CABLES1: variants seen among roughly 807,000 people sequenced by gnomAD.
The protein encoded by CABLES1 is Cdk5 and Abl enzyme substrate 1, also known as CDK5 and ABL1 enzyme substrate 1.
Under a neutral mutation model 57.8 loss-of-function variants are expected in CABLES1, and 36 were observed. The ratio of observed to expected loss-of-function variants is 0.62; its 90% CI spans 0.48 to 0.82. CABLES1 has a LOEUF of 0.82. Among genes scored for constraint, CABLES1 ranks in the 40% least tolerant of loss-of-function variants. The pLI, the probability that CABLES1 is intolerant of heterozygous loss-of-function variation, is 0.00. For missense variants in CABLES1, 767 were observed against 836.6 expected, an observed-to-expected ratio of 0.92 and a Z score of 1.03; for synonymous variants, 374 against 363.0, an observed-to-expected ratio of 1.03 and a Z score of -0.35.
chr18:23,235,228 G>C (rs1044647883), intron 5 of CABLES1, among the ~76,000 whole-genome samples: 1 of 152,176 alleles, frequency 6.6e-6, no homozygotes, highest in Non-Finnish European at 1.5e-5. Flanking sequence ...GGGTCCAGAC[G>C]GTCCTCATCA....
rs116861159 is a variant in CABLES1 at position 23,156,675 on chromosome 18, A to T, written c.845+20068A>T. On this transcript the variant is annotated intron_variant, in intron 1 of 9. Transcript: ENST00000256925. ...CACGTTTCCGTCATCTGATCAATGT[A>T]TACCTTGTCCTAGGTGCATTTCCAT... is the stretch of plus-strand genomic sequence containing the variant. Among the ~76,000 whole-genome samples the T allele has an allele frequency of 7.2e-4, 110 of 152,286 alleles. 2 individuals carry two copies. In the East Asian group the frequency reaches 0.02, roughly 28 times the overall value.
At chr18:23,205,788 G>A (rs2047358914) in intron 3 of CABLES1, among the ~76,000 whole-genome samples, 1 of 152,170 alleles carries the variant, frequency 6.6e-6, no homozygotes, top group Non-Finnish European at 1.5e-5. Context: ...GAGCACAGGA[G>A]TTCAAGGCAG....
chr18:23,233,365 A>C lies in CABLES1; in HGVS notation c.1089-1243A>C, dbSNP rs907947574. 5.9e-5 allele frequency among the ~76,000 whole-genome samples: 9 copies of C among 152,132 alleles called. No homozygotes were observed. The South Asian group carries it at 8.3e-4, about 14-fold the overall frequency. On this transcript the variant is annotated intron_variant, in intron 4 of 9. Coordinates refer to ENST00000256925, the MANE Select transcript of CABLES1 (RefSeq NM_001100619.3). ...AGGTCCATCTTGCATCTCCACGGCAATGTGATGTACTAGAAATGACATTGG... is the reference window on the plus strand; with the variant it reads ...AGGTCCATCTTGCATCTCCACGGCACTGTGATGTACTAGAAATGACATTGG...
chr18:23,138,936 T>G (rs2046840309), intron 1 of CABLES1, among the ~76,000 whole-genome samples: 1 of 152,206 alleles, frequency 6.6e-6, no homozygotes, highest in Non-Finnish European at 1.5e-5. Flanking sequence ...ATGCAGACTC[T>G]TCCCTACTCC....
At chr18:23,201,871 C>T (rs2047327555) in intron 3 of CABLES1, among the ~76,000 whole-genome samples, 1 of 152,148 alleles carries the variant, frequency 6.6e-6, no homozygotes, top group Non-Finnish European at 1.5e-5. Context: ...ATGGGGAGAC[C>T]TGACAGTGGA....
At chr18:23,137,473 C>T (rs568839716) in intron 1 of CABLES1, among the ~76,000 whole-genome samples, 18 of 152,242 alleles carry the variant, frequency 1.2e-4, no homozygotes, top group African/African-American at 4.1e-4. Context: ...AATGCAGATC[C>T]GTTCCTAGGG....
At position 23,243,716 on chromosome 18, in the gene CABLES1, A is replaced by G. The variant is rs1216538957; in HGVS notation, c.1446+6471A>G. The stretch of plus-strand genomic sequence containing the variant: ...GGCAAAACCGTCTCTACTAAAAAAT[A>G]CAAAAATTAGCCAGGTGTGGTGGCA... On this transcript the variant is annotated intron_variant, in intron 7 of 9. Transcript: ENST00000256925. Among the ~76,000 whole-genome samples, 6 of 152,116 alleles carry G rather than the reference A, an allele frequency of 3.9e-5. No homozygotes were observed. The East Asian group carries it at 1.2e-3, about 29-fold the overall frequency.
At chr18:23,191,131 G>A (rs916687612) in intron 2 of CABLES1, among the ~76,000 whole-genome samples, 13 of 151,042 alleles carry the variant, frequency 8.6e-5, no homozygotes, top group African/African-American at 3.2e-4. Context: ...TGCACCTGTA[G>A]TTCCAGCTAC....
Position 23,242,815 on chromosome 18 carries a change from G to A in CABLES1, c.1446+5570G>A, listed in dbSNP as rs145968309. Among the ~76,000 whole-genome samples the A allele has an allele frequency of 6.7e-3, 1,015 of 152,206 alleles. 9 individuals are homozygous for A. Among genetic ancestry groups the A allele is most frequent in the African/African-American group, 0.021 (884 of 41,520 alleles). ...TTATTTACCGAATATTAAAATCTAA[G>A]TACTTGTAGAGAAAGCCCTCCCTCT... On this transcript the variant is annotated intron_variant, in intron 7 of 9. Coordinates refer to ENST00000256925, the MANE Select transcript of CABLES1 (RefSeq NM_001100619.3).
intron 3 of CABLES1, among the ~76,000 whole-genome samples, chr18:23,203,721 G>A (rs888540513): frequency 1.3e-5 from 2 of 152,120 alleles, no homozygotes; most frequent in African/African-American, 2.4e-5. Flanking sequence ...AAAACGGCTC[G>A]TTACCAGCCC....
At chr18:23,215,787 T>C (rs1035146622) in intron 4 of CABLES1, among the ~76,000 whole-genome samples, 1 of 151,690 alleles carries the variant, frequency 6.6e-6, no homozygotes. Context: ...AGAGTCTTGC[T>C]CTGTCACTCA....
At chr18:23,174,196 T>C (rs961533418) in intron 1 of CABLES1, among the ~76,000 whole-genome samples, 1 of 152,212 alleles carries the variant, frequency 6.6e-6, no homozygotes, top group Non-Finnish European at 1.5e-5. Flanking sequence ...TTCATATAAG[T>C]AGAATCATAC....
chr18:23,218,767 A>G (rs1349724179), intron 4 of CABLES1, among the ~76,000 whole-genome samples: 1 of 152,268 alleles, frequency 6.6e-6, no homozygotes, highest in Non-Finnish European at 1.5e-5. Context: ...ATCAAAGCAG[A>G]CAGACCAACC....
chr18:23,136,526 C>A lies in CABLES1; in HGVS notation c.764C>A (p.Pro255Gln), dbSNP rs754014882. The A allele has an allele frequency of 6.3e-7, 1 of 1,588,876 alleles. No individual in the cohort carries two copies. The highest frequency in any genetic ancestry group is 8.5e-7 in the Non-Finnish European group (1 of 1,174,410). ...QGILPIAFSR[P>Q]TSQNYCSLEQ... The stretch of plus-strand genomic sequence containing the variant: ...ATCCTGCCCATCGCCTTCTCCAGGC[C>A]GACTTCGCAGAACTACTGCTCCCTG... The change falls in exon 1 of 10, where the codon CCG (proline) becomes CAG (glutamine). Residue 255 changes from proline to glutamine, a missense_variant. This residue lies in a region of CABLES1 where 529 missense variants were observed against 622.8 expected (regional missense o/e 0.85). Coordinates refer to ENST00000256925, the MANE Select transcript of CABLES1 (RefSeq NM_001100619.3).
At chr18:23,254,048 GC>G in intron 9 of CABLES1, 112 bp downstream of exon 9, 1 of 842,176 alleles carries the variant, frequency 1.2e-6, no homozygotes, top group East Asian at 2.6e-5. Context: ...TCCTTAGTCA[GC>G]AATTGAGGTG....
intron 7 of CABLES1, among the ~76,000 whole-genome samples, chr18:23,248,354 G>C (rs1374914418): frequency 6.6e-6 from 1 of 152,106 alleles, no homozygotes; most frequent in Non-Finnish European, 1.5e-5. Flanking sequence ...GCATGGTTCA[G>C]TTCTGAAGTG....
chr18:23,189,656 G>A (rs1214529842), intron 2 of CABLES1, among the ~76,000 whole-genome samples: 1 of 152,208 alleles, frequency 6.6e-6, no homozygotes, highest in African/African-American at 2.4e-5. Context: ...GGAGGGCATC[G>A]GGAGGAGGTG....
rs1258147287 is a variant in CABLES1, at chr18:23,188,845, C to G, written c.853C>G (p.Leu285Val). Residue 285 changes from leucine (L) to valine (V), a missense_variant, in exon 2 of 10, where the codon CTC becomes GTC. By Grantham distance (32) the Leu-to-Val change is conservative. Coordinates refer to ENST00000256925, the MANE Select transcript of CABLES1 (RefSeq NM_001100619.3). The part of the protein sequence containing the change: ...FEQLQRSRRR[L>V]ISQRSSLETL... ...TTTTCCTTCTTTCTGCAGACGGCGC[C>G]TCATCTCCCAGAGATCTTCCTTGGA... 6.2e-7 allele frequency: 1 copy of G among 1,613,786 alleles called. No individual in the cohort carries two copies. The highest frequency in any genetic ancestry group is 1.7e-5 in the Admixed American group (1 of 60,018).
intron 1 of CABLES1, among the ~76,000 whole-genome samples, chr18:23,163,193 TGGA>T: frequency 6.6e-6 from 1 of 151,816 alleles, no homozygotes; most frequent in East Asian, 1.9e-4. Context: ...TGGCTTAATA[TGGA>T]GGAGGAGGAG....
Sources: allele counts gnomAD v4.1 joint callset (sites outside exome capture counted in the v4.1 genomes callset), GRCh38; gene constraint gnomAD v4.1.1; regional missense constraint gnomAD v4.1.1; transcripts MANE v1.5; gene names NCBI Gene and HGNC (gene_info 2026-07-23, HGNC 2026-07-21).